DSCAM: variants seen among roughly 807,000 people sequenced by gnomAD.
DSCAM encodes DS cell adhesion molecule.
A neutral mutation model predicts 217.7 loss-of-function variants in DSCAM; 47 were observed. The ratio of observed to expected loss-of-function variants is 0.22; its 90% CI spans 0.17 to 0.28. The LOEUF is 0.28. DSCAM is among the 10% of genes least tolerant of loss of function. The probability of loss-of-function intolerance (pLI) is 1.00; values close to 1 mark genes in which losing one functional copy is unlikely to be tolerated. For missense variants in DSCAM, 2,080 were observed against 2,618.3 expected, an observed-to-expected ratio of 0.79 and a Z score of 4.49; for synonymous variants, 1,056 against 1,015.3, an observed-to-expected ratio of 1.04 and a Z score of -0.76.
At chr21:40,604,576 C>T (rs1427724223) in intron 3 of DSCAM, among the ~76,000 whole-genome samples, 1 of 152,170 alleles carries the variant, frequency 6.6e-6, no homozygotes, top group African/African-American at 2.4e-5. Flanking sequence ...TGAATCTGGG[C>T]TGTATTTAAT....
chr21:40,726,806 G>A (rs1410490642), intron 1 of DSCAM, among the ~76,000 whole-genome samples: 1 of 152,136 alleles, frequency 6.6e-6, no homozygotes, highest in Non-Finnish European at 1.5e-5. Context: ...GGGTCATGTA[G>A]GCTCTGCCCT....
intron 1 of DSCAM, among the ~76,000 whole-genome samples, chr21:40,763,350 CAA>C (rs1486769683): frequency 1.3e-5 from 2 of 152,028 alleles, no homozygotes; most frequent in Non-Finnish European, 2.9e-5. Flanking sequence ...ACAATTGCTA[CAA>C]AGAGAATAAA....
At chr21:40,572,832 CATT>C (rs1265057064) in intron 3 of DSCAM, among the ~76,000 whole-genome samples, 4 of 152,150 alleles carry the variant, frequency 2.6e-5, no homozygotes, top group Non-Finnish European at 1.5e-5. Context: ...ATATGCCTCT[CATT>C]ATAACTGATA....
intron 17 of DSCAM, 31 bp from the exon 18 acceptor site, chr21:40,142,735 C>A: frequency 6.3e-7 from 1 of 1,599,290 alleles, no homozygotes; most frequent in Non-Finnish European, 8.5e-7. Context: ...TCTGTAATAA[C>A]TGTGGGTGGT....
intron 8 of DSCAM, among the ~76,000 whole-genome samples, chr21:40,325,941 G>A (rs2074312661): frequency 6.6e-6 from 1 of 152,164 alleles, no homozygotes; most frequent in Non-Finnish European, 1.5e-5. Flanking sequence ...ACATTTATAA[G>A]ATACCCATGG....
chr21:40,327,313 G>A (rs58797193), intron 8 of DSCAM, among the ~76,000 whole-genome samples: 7,285 of 152,112 alleles, frequency 0.048, 530 homozygotes, highest in African/African-American at 0.17. Flanking sequence ...CCCATGTTCA[G>A]CAAGTGCAAC....
At chr21:40,566,515 A>C (rs1274592185) in intron 3 of DSCAM, among the ~76,000 whole-genome samples, 3 of 152,212 alleles carry the variant, frequency 2.0e-5, no homozygotes, top group African/African-American at 7.2e-5. Flanking sequence ...CTCACCACCC[A>C]ACACATTATT....
chr21:40,178,117 G>T (rs2146799699), intron 15 of DSCAM, among the ~76,000 whole-genome samples: 1 of 152,318 alleles, frequency 6.6e-6, no homozygotes, highest in South Asian at 2.1e-4. Context: ...CTCTCCTCCT[G>T]CCAGGAGGCG....
chr21:40,187,057 A>C, intron 14 of DSCAM, 74 bp downstream of exon 14: 2 of 1,576,922 alleles, frequency 1.3e-6, no homozygotes, highest in South Asian at 1.1e-5. Flanking sequence ...CTTACAGGTA[A>C]AACACATTAA....
chr21:40,066,648 A>G (rs1289716439), intron 27 of DSCAM, among the ~76,000 whole-genome samples: 1 of 152,176 alleles, frequency 6.6e-6, no homozygotes, highest in Admixed American at 6.5e-5. Context: ...TATTCCTATT[A>G]AACTGTATCT....
intron 3 of DSCAM, among the ~76,000 whole-genome samples, chr21:40,664,983 C>CT (rs2090184361): frequency 1.3e-5 from 2 of 151,902 alleles, no homozygotes; most frequent in African/African-American, 2.4e-5. Flanking sequence ...CTCTTCTCTC[C>CT]CTCTTGTTCC....
In DSCAM at chr21:40,285,631, C is replaced by T. The variant is rs562532063; in HGVS notation, c.2183-9361G>A. On this transcript the variant is annotated intron_variant, in intron 10 of 32. Coordinates refer to ENST00000400454, the MANE Select transcript of DSCAM (RefSeq NM_001389.5). Reference sequence around the variant, plus strand: ...TGGAACACTCACTTTCTCTGTTCAGCTTACAACTTGTTTTCAAGAACTCAT... The same window carrying T: ...TGGAACACTCACTTTCTCTGTTCAGTTTACAACTTGTTTTCAAGAACTCAT... Among the ~76,000 whole-genome samples the T allele has an allele frequency of 1.2e-3, 184 of 152,236 alleles. 1 individual carries two copies. Among genetic ancestry groups the T allele is most frequent in the African/African-American group, 4.2e-3 (174 of 41,542 alleles).
chr21:40,218,371 T>A (rs1036665999), intron 11 of DSCAM, among the ~76,000 whole-genome samples: 14 of 152,324 alleles, frequency 9.2e-5, no homozygotes, highest in Middle Eastern at 3.4e-3. Context: ...TTTGTACCAT[T>A]ACCATGGTAT....
chr21:40,249,140 G>A (rs1048615995), intron 11 of DSCAM, among the ~76,000 whole-genome samples: 12 of 152,152 alleles, frequency 7.9e-5, no homozygotes, highest in African/African-American at 2.7e-4. Flanking sequence ...ATGAACATCA[G>A]TTTTGTCATC....
In DSCAM at chr21:40,360,121, G is replaced by GTTT. The variant is rs764160478; in HGVS notation, c.656-6379_656-6378insAAA. ...TAGTGAGCATGGTACTTCATAGGTA[G>GTTT]TCTTTTTTTTTTTTTTTTTTTTTTT... On this transcript the variant is annotated intron_variant, in intron 4 of 32. Transcript: ENST00000400454. Among the ~76,000 whole-genome samples, 646 of 82,622 alleles carry GTTT rather than the reference G, an allele frequency of 7.8e-3. 176 individuals are homozygous for GTTT. The highest frequency in any genetic ancestry group is 0.011 in the African/African-American group (227 of 19,918). 54.2% of individuals were successfully genotyped at this position (82,622 alleles called of 152,430 possible). A position where few individuals can be genotyped will look rare whatever the true frequency, so the allele number is the denominator to read the frequency against.
chr21:40,633,225 A>G (rs1466937535), intron 3 of DSCAM, among the ~76,000 whole-genome samples: 1 of 152,176 alleles, frequency 6.6e-6, no homozygotes, highest in African/African-American at 2.4e-5. Flanking sequence ...GGAAGCAGAG[A>G]GTGGCAGTCT....
Position 40,331,953 on chromosome 21 carries a change from T to G in DSCAM, c.1783+6148A>C, listed in dbSNP as rs78969505. 4.9e-4 allele frequency among the ~76,000 whole-genome samples: 75 copies of G among 152,280 alleles called. 2 individuals are homozygous for G. In the East Asian group the frequency reaches 0.015, roughly 29 times the overall value. ...AAATCCCCATGGTCTGAAGCCAGAA[T>G]GGTGATCCACAGGCACTTAAGACCA... On this transcript the variant is annotated intron_variant, in intron 8 of 32. Transcript: ENST00000400454.
At chr21:40,066,588 C>T (rs1956106263) in intron 27 of DSCAM, among the ~76,000 whole-genome samples, 2 of 152,198 alleles carry the variant, frequency 1.3e-5, no homozygotes, top group African/African-American at 2.4e-5. Flanking sequence ...GCTCATTATA[C>T]GTGTTGCAAA....
At chr21:40,242,186 G>A (rs2073162719) in intron 11 of DSCAM, among the ~76,000 whole-genome samples, 1 of 150,630 alleles carries the variant, frequency 6.6e-6, no homozygotes, top group Non-Finnish European at 1.5e-5. Context: ...AAATGACTTT[G>A]TTAGATGGAC....
Sources: allele counts gnomAD v4.1 joint callset (sites outside exome capture counted in the v4.1 genomes callset), GRCh38; gene constraint gnomAD v4.1.1; transcripts MANE v1.5; gene names NCBI Gene and HGNC (gene_info 2026-07-23, HGNC 2026-07-21).